The following MGRN1 variants were observed in gnomAD, a reference collection of about 807,000 sequenced individuals.
MGRN1 encodes the protein mahogunin ring finger 1.
MGRN1 carries 29 observed loss-of-function variants against 69.2 expected under a neutral mutation model. The observed-to-expected ratio is 0.42, with a 90% CI of 0.31 to 0.57. The LOEUF (loss-of-function observed/expected upper bound fraction) is 0.57. Ranked by LOEUF, MGRN1 falls within the 20% of genes least tolerant of loss-of-function variation. The probability of loss-of-function intolerance (pLI) is 0.15; values close to 1 mark genes in which losing one functional copy is unlikely to be tolerated. For missense variants in MGRN1, 998 were observed against 796.2 expected, an observed-to-expected ratio of 1.25 and a Z score of -3.05; for synonymous variants, 470 against 344.2, an observed-to-expected ratio of 1.37 and a Z score of -4.04.
chr16:4,678,522 CAG>C (rs1263594851), intron 11 of MGRN1, among the ~76,000 whole-genome samples: 2 of 149,166 alleles, frequency 1.3e-5, no homozygotes, highest in East Asian at 3.9e-4. Context: ...AAGAGACAGA[CAG>C]ATGTGGAGAG....
chr16:4,657,111 G>A (rs2078562105), intron 4 of MGRN1, 135 bp from the exon 5 acceptor site: 3 of 812,974 alleles, frequency 3.7e-6, no homozygotes, highest in Non-Finnish European at 6.0e-6. Context: ...CATGTAGGCT[G>A]TTTGCTGTTC....
intron 1 of MGRN1, among the ~76,000 whole-genome samples, chr16:4,635,665 C>T (rs958196882): frequency 2.6e-5 from 4 of 151,050 alleles, no homozygotes; most frequent in Admixed American, 6.6e-5. Context: ...GACAGAGTCT[C>T]GCACTGTCAT....
intron 16 of MGRN1, chr16:4,688,479 A>G (rs2079384647): frequency 1.8e-6 from 2 of 1,135,536 alleles, no homozygotes; most frequent in Admixed American, 9.1e-5. Flanking sequence ...GGAAACCGGA[A>G]CCAGGGCAAG....
At chr16:4,673,059 C>T (rs181894591) in intron 9 of MGRN1, among the ~76,000 whole-genome samples, 73 of 151,976 alleles carry the variant, frequency 4.8e-4, no homozygotes, top group African/African-American at 1.7e-3. Context: ...AGGATGGTCT[C>T]GATCTCCTGA....
At chr16:4,677,625 G>T (rs939192543) in intron 11 of MGRN1, 53 bp downstream of exon 11, 26 of 1,549,434 alleles carry the variant, frequency 1.7e-5, no homozygotes, top group Non-Finnish European at 1.8e-5. Flanking sequence ...ATGAGTGCCT[G>T]GGCCAGGCGC....
chr16:4,629,045 A>C (rs1170653778), intron 1 of MGRN1, among the ~76,000 whole-genome samples: 1 of 148,130 alleles, frequency 6.8e-6, no homozygotes, highest in Non-Finnish European at 1.5e-5. Context: ...CTATGTTGGG[A>C]AGGCTGGTTT....
chr16:4,672,275 G>A (rs554876201), intron 9 of MGRN1: 24 of 447,978 alleles, frequency 5.4e-5, no homozygotes, highest in Admixed American at 1.4e-4. Context: ...TCAAACTTCT[G>A]ATCTCAAGTG....
chr16:4,660,531 G>A (rs915113781), intron 5 of MGRN1, among the ~76,000 whole-genome samples: 1 of 152,224 alleles, frequency 6.6e-6, no homozygotes, highest in African/African-American at 2.4e-5. Context: ...AGCACAGAGC[G>A]GCCCACGCCA....
chr16:4,640,039 C>G (rs2078123530), intron 1 of MGRN1: 1 of 152,332 alleles, frequency 6.6e-6, no homozygotes, highest in Non-Finnish European at 1.5e-5. Flanking sequence ...CTTGGGAGGC[C>G]TTGCCGCGTC....
At chr16:4,643,564 G>T (rs1039572191) in intron 1 of MGRN1, among the ~76,000 whole-genome samples, 1 of 151,844 alleles carries the variant, frequency 6.6e-6, no homozygotes, top group Non-Finnish European at 1.5e-5. Context: ...AGTAGAGACG[G>T]GGTTTCACCG....
intron 4 of MGRN1, among the ~76,000 whole-genome samples, chr16:4,654,973 T>C (rs1442395694): frequency 1.3e-5 from 2 of 152,248 alleles, no homozygotes; most frequent in Non-Finnish European, 2.9e-5. Context: ...ATTTCTTTAA[T>C]GACACTAGTA....
intron 11 of MGRN1, among the ~76,000 whole-genome samples, chr16:4,678,078 C>T (rs992063387): frequency 3.9e-5 from 6 of 152,190 alleles, no homozygotes; most frequent in Non-Finnish European, 8.8e-5. Flanking sequence ...AACTCTTGGG[C>T]TCAAGTGCTA....
chr16:4,657,067 G>A (rs1033331556), intron 4 of MGRN1, among the ~76,000 whole-genome samples, 179 bp from the exon 5 acceptor site: 7 of 152,194 alleles, frequency 4.6e-5, no homozygotes, highest in African/African-American at 7.2e-5. Context: ...CAGAGAGGCC[G>A]TGGAAGGCCC....
chr16:4,626,773 C>A (rs551357298), intron 1 of MGRN1, among the ~76,000 whole-genome samples: 1 of 152,222 alleles, frequency 6.6e-6, no homozygotes, highest in African/African-American at 2.4e-5. Flanking sequence ...GCTAATCACT[C>A]GTGGCCCTCC....
chr16:4,652,724 C>G lies in MGRN1; in HGVS notation c.343C>G (p.Arg115Gly). 2 of 1,613,258 alleles carry G rather than the reference C, an allele frequency of 1.2e-6. No homozygotes were observed. Among genetic ancestry groups the G allele is most frequent in the Non-Finnish European group, 1.7e-6 (2 of 1,179,628 alleles). ...DSPTEDGDKPRVLYSLEFTFD... is the reference protein window; with the variant it reads ...DSPTEDGDKPGVLYSLEFTFD... ...CCCCACCGAGGACGGCGACAAGCCCCGGGTGCTCTACAGCCTGGAGTTCAC... is the reference window on the plus strand; with the variant it reads ...CCCCACCGAGGACGGCGACAAGCCCGGGGTGCTCTACAGCCTGGAGTTCAC... Residue 115 changes from arginine (R) to glycine (G), a missense_variant, in exon 4 of 17, where the codon CGG becomes GGG. Transcript: ENST00000262370.
chr16:4,680,162 T>C, intron 12 of MGRN1, 65 bp downstream of exon 12: 1 of 1,499,220 alleles, frequency 6.7e-7, no homozygotes, highest in Admixed American at 1.7e-5. Flanking sequence ...CCACGACAAG[T>C]AGGGGAGATC....
chr16:4,638,225 G>T (rs572854724), intron 1 of MGRN1, among the ~76,000 whole-genome samples: 1 of 152,250 alleles, frequency 6.6e-6, no homozygotes, highest in African/African-American at 2.4e-5. Context: ...CCAGCACTTT[G>T]GGAGGCCGAG....
At chr16:4,678,894 C>G (rs1384178257) in intron 11 of MGRN1, among the ~76,000 whole-genome samples, 1 of 152,256 alleles carries the variant, frequency 6.6e-6, no homozygotes, top group Non-Finnish European at 1.5e-5. Flanking sequence ...GACCTGGGCC[C>G]TATGGGCCTC....
intron 16 of MGRN1, among the ~76,000 whole-genome samples, chr16:4,684,918 CACCTGGTG>C (rs1475480199): frequency 1.3e-5 from 2 of 152,364 alleles, no homozygotes; most frequent in Admixed American, 1.3e-4. Context: ...CCTCCTGAGT[CACCTGGTG>C]ACCTGGGCCT....
Sources: gnomAD v4.1 joint callset for allele counts (sites outside exome capture counted in the v4.1 genomes callset) on GRCh38, gnomAD v4.1.1 for gene constraint, MANE v1.5 for transcripts, NCBI Gene and HGNC (gene_info 2026-07-23, HGNC 2026-07-21) for gene names.